TMPRSS15: variants seen among roughly 807,000 people sequenced by gnomAD.
The protein encoded by TMPRSS15 is enteropeptidase.
A neutral mutation model predicts 125.3 loss-of-function variants in TMPRSS15; 128 were observed. That is an observed-to-expected ratio of 1.02 (90% confidence interval 0.89 to 1.18). TMPRSS15 has a LOEUF of 1.18. Among genes scored for constraint, TMPRSS15 ranks in the 50% most tolerant of loss-of-function variants. TMPRSS15 has a pLI of 0.00. For missense variants in TMPRSS15, 1,283 were observed against 1,212.7 expected (o/e 1.06, Z -0.86); for synonymous variants, 446 against 423.2 (o/e 1.05, Z -0.66).
intron 16 of TMPRSS15, among the ~76,000 whole-genome samples, chr21:18,321,307 T>C (rs2075231968): frequency 1.3e-5 from 2 of 151,348 alleles, no homozygotes; most frequent in African/African-American, 4.9e-5. Context: ...GGCCCTAAAA[T>C]AGCTCCAGAA....
At chr21:18,376,194 A>C (rs896192968) in intron 5 of TMPRSS15, among the ~76,000 whole-genome samples, 8 of 74,850 alleles carry the variant, frequency 1.1e-4, no homozygotes, top group Admixed American at 9.2e-4. Context: ...GTGTAGAACA[A>C]ATCTAGTTTT....
chr21:18,481,968 T>G (rs1454115706), intron 1 of TMPRSS15, among the ~76,000 whole-genome samples: 1 of 151,700 alleles, frequency 6.6e-6, no homozygotes, highest in Non-Finnish European at 1.5e-5. Context: ...ACATTTTTCT[T>G]CAGATATGAC....
At chr21:18,349,787 T>G (rs1372231800) in intron 10 of TMPRSS15, among the ~76,000 whole-genome samples, 1 of 152,198 alleles carries the variant, frequency 6.6e-6, no homozygotes, top group African/African-American at 2.4e-5. Context: ...CCCGACTATT[T>G]AAAACCTCCA....
At chr21:18,353,606 A>G in intron 9 of TMPRSS15, 117 bp downstream of exon 9, 1 of 872,356 alleles carries the variant, frequency 1.1e-6, no homozygotes, top group Non-Finnish European at 1.8e-6. Flanking sequence ...AGATGCACAT[A>G]CAAGATACTC....
chr21:18,352,196 C>T (rs754826394), intron 10 of TMPRSS15, among the ~76,000 whole-genome samples: 2 of 151,962 alleles, frequency 1.3e-5, no homozygotes, highest in African/African-American at 2.4e-5. Flanking sequence ...ACTACAAGTT[C>T]CTTAGCTTCT....
At chr21:18,292,410 T>A (rs1255153155) in intron 21 of TMPRSS15, among the ~76,000 whole-genome samples, 1 of 152,220 alleles carries the variant, frequency 6.6e-6, no homozygotes, top group Admixed American at 6.5e-5. Flanking sequence ...TCTTGGCACC[T>A]GGATCTGGAT....
intron 3 of TMPRSS15, among the ~76,000 whole-genome samples, chr21:18,387,067 T>C (rs894020559): frequency 2.6e-5 from 4 of 152,218 alleles, no homozygotes; most frequent in Non-Finnish European, 4.4e-5. Context: ...CATAAAGTTG[T>C]AGCCTTTAAA....
intron 16 of TMPRSS15, among the ~76,000 whole-genome samples, chr21:18,320,222 C>A (rs2075220182): frequency 6.6e-6 from 1 of 151,942 alleles, no homozygotes; most frequent in Non-Finnish European, 1.5e-5. Flanking sequence ...TGTTTGTATT[C>A]ATATATTCTG....
At chr21:18,440,865 A>G (rs140323719) in intron 1 of TMPRSS15, among the ~76,000 whole-genome samples, 271 of 152,370 alleles carry the variant, frequency 1.8e-3, no homozygotes, top group African/African-American at 6.2e-3. Context: ...TGTTAATAAT[A>G]TAGTTGTTGG....
chr21:18,452,284 A>G (rs1446613586), intron 1 of TMPRSS15, among the ~76,000 whole-genome samples: 1 of 152,240 alleles, frequency 6.6e-6, no homozygotes, highest in Non-Finnish European at 1.5e-5. Flanking sequence ...GGTTTAAGGA[A>G]TAAAAACAAC....
chr21:18,374,543 A>G (rs1054729430), intron 5 of TMPRSS15, among the ~76,000 whole-genome samples: 1 of 151,820 alleles, frequency 6.6e-6, no homozygotes, highest in African/African-American at 2.4e-5. Flanking sequence ...AGTCTCACTA[A>G]CATAGATGGT....
At chr21:18,454,544 A>T (rs997177547) in intron 1 of TMPRSS15, among the ~76,000 whole-genome samples, 1 of 152,102 alleles carries the variant, frequency 6.6e-6, no homozygotes, top group African/African-American at 2.4e-5. Flanking sequence ...ATTCATTCTG[A>T]GTACAAAGGC....
intron 19 of TMPRSS15, among the ~76,000 whole-genome samples, chr21:18,295,891 G>A (rs965095228): frequency 1.3e-5 from 2 of 152,132 alleles, no homozygotes; most frequent in Admixed American, 1.3e-4. Context: ...GGTGGCTCAC[G>A]CCTGTAACTC....
At chr21:18,329,999 G>A (rs1367903745) in intron 14 of TMPRSS15, among the ~76,000 whole-genome samples, 1 of 151,956 alleles carries the variant, frequency 6.6e-6, no homozygotes, top group African/African-American at 2.4e-5. Context: ...GTATATGGCT[G>A]TACATATTTC....
At chr21:18,416,158 GA>G (rs201921896) in intron 1 of TMPRSS15, among the ~76,000 whole-genome samples, 3 of 151,490 alleles carry the variant, frequency 2.0e-5, no homozygotes, top group African/African-American at 7.3e-5. Flanking sequence ...ACAGATAAAT[GA>G]AAAAAAACAT....
rs1355267504 is a variant in TMPRSS15 at position 18,269,963 on chromosome 21, A to C, written c.*6T>G. ...TGCGACTTTCCTGTTTAGTTTAAGA[A>C]ATGCGCTAATGTAGAAAACTTTGTA... On this transcript the variant is annotated 3_prime_UTR_variant, in exon 25 of 25. Coordinates refer to ENST00000284885, the MANE Select transcript of TMPRSS15 (RefSeq NM_002772.3). 1.2e-6 allele frequency: 2 copies of C among 1,613,662 alleles called. No individual in the cohort carries two copies.
At chr21:18,392,423 A>T (rs2075998582) in intron 3 of TMPRSS15, among the ~76,000 whole-genome samples, 1 of 152,064 alleles carries the variant, frequency 6.6e-6, no homozygotes, top group Admixed American at 6.6e-5. Flanking sequence ...AGTAAGAATA[A>T]CCTTTGGTCC....
At chr21:18,339,396 T>G (rs923002019) in intron 13 of TMPRSS15, among the ~76,000 whole-genome samples, 1 of 152,204 alleles carries the variant, frequency 6.6e-6, no homozygotes, top group African/African-American at 2.4e-5. Context: ...CTTTAGATCC[T>G]TTTCATTGTT....
At chr21:18,345,967 A>C (rs941993343) in intron 10 of TMPRSS15, among the ~76,000 whole-genome samples, 1 of 151,772 alleles carries the variant, frequency 6.6e-6, no homozygotes, top group Non-Finnish European at 1.5e-5. Context: ...TATGATCAAA[A>C]TATGATGCTA....
Sources: gnomAD v4.1 joint callset for allele counts (sites outside exome capture counted in the v4.1 genomes callset) on GRCh38, gnomAD v4.1.1 for gene constraint, MANE v1.5 for transcripts, NCBI Gene and HGNC (gene_info 2026-07-23, HGNC 2026-07-21) for gene names.